The following NAF1 variants were observed in gnomAD, a reference collection of about 807,000 sequenced individuals.
The protein encoded by NAF1 is H/ACA ribonucleoprotein complex non-core subunit NAF1.
NAF1 carries 11 observed loss-of-function variants against 40.6 expected under a neutral mutation model. The ratio of observed to expected loss-of-function variants is 0.27; its 90% CI spans 0.17 to 0.45. The LOEUF is 0.45. Among genes scored for constraint, NAF1 ranks in the 20% least tolerant of loss-of-function variants. NAF1 has a pLI of 1.00. For synonymous variants in NAF1, 260 were observed against 228.5 expected (o/e 1.14, Z -1.24); for missense variants, 607 against 611.1 (o/e 0.99, Z 0.07).
At chr4:163,162,647 G>T (rs1732274275) in intron 2 of NAF1, among the ~76,000 whole-genome samples, 1 of 152,206 alleles carries the variant, frequency 6.6e-6, no homozygotes, top group South Asian at 2.1e-4. Flanking sequence ...TAGACACTAT[G>T]AGAGCAGAAA....
downstream of NAF1, among the ~76,000 whole-genome samples, chr4:163,109,412 A>G (rs1468506661): frequency 2.0e-5 from 3 of 152,168 alleles, no homozygotes; most frequent in South Asian, 2.1e-4. Context: ...AATCTGAAAC[A>G]TTAGCCTACA....
At position 163,117,710 on chromosome 4, in the gene NAF1, C is replaced by CAT. The variant is rs1730388677; in HGVS notation, c.115-7421_115-7420insAT. Among the ~76,000 whole-genome samples, 3 of 151,664 alleles carry CAT rather than the reference C, an allele frequency of 2.0e-5. No homozygotes were observed. In the East Asian group the frequency reaches 5.8e-4, roughly 29 times the overall value. ...ACACACACACACACACACACACACA[C>CAT]ACACACACGCATGAATACATCATCC... On this transcript the variant is annotated intron_variant, in intron 2 of 2. Transcript: ENST00000509434.
intron 5 of NAF1, among the ~76,000 whole-genome samples, chr4:163,139,760 C>G (rs1321442283): frequency 5.3e-5 from 8 of 152,004 alleles, no homozygotes; most frequent in Non-Finnish European, 1.0e-4. Flanking sequence ...CTTCTACAAA[C>G]TTAAAATTTA....
At chr4:163,113,444 T>C (rs991765397) in intron 2 of NAF1, among the ~76,000 whole-genome samples, 3 of 152,120 alleles carry the variant, frequency 2.0e-5, no homozygotes, top group Non-Finnish European at 2.9e-5. Context: ...TTTTCAAAAA[T>C]GCAATTAGAC....
At chr4:163,156,997 A>G (rs1732012251) in intron 2 of NAF1, 1 of 152,138 alleles carries the variant, frequency 6.6e-6, no homozygotes, top group African/African-American at 2.4e-5. Flanking sequence ...TACACATAAC[A>G]AAGAGTAGGA....
chr4:163,107,307 AC>A (rs1016428324), downstream of NAF1, among the ~76,000 whole-genome samples: 10 of 152,178 alleles, frequency 6.6e-5, no homozygotes, highest in Non-Finnish European at 1.5e-4. Flanking sequence ...CTTGCTACTT[AC>A]GTCATTTTGC....
chr4:163,106,438 C>A (rs1730049878), downstream of NAF1, among the ~76,000 whole-genome samples: 1 of 152,174 alleles, frequency 6.6e-6, no homozygotes, highest in African/African-American at 2.4e-5. Flanking sequence ...AAATAGCTAG[C>A]ACTTTCATAT....
chr4:163,138,554 G>C (rs1426503787), intron 5 of NAF1, among the ~76,000 whole-genome samples: 1 of 152,118 alleles, frequency 6.6e-6, no homozygotes, highest in Non-Finnish European at 1.5e-5. Flanking sequence ...AGAACAGTAA[G>C]CTGGAAAGGA....
chr4:163,108,515 A>C (rs574384457), downstream of NAF1, among the ~76,000 whole-genome samples: 1 of 152,236 alleles, frequency 6.6e-6, no homozygotes. Context: ...AGAGAAAGCC[A>C]GTCACAGATT....
chr4:163,107,410 G>A (rs1444538502), downstream of NAF1, among the ~76,000 whole-genome samples: 12 of 152,178 alleles, frequency 7.9e-5, no homozygotes, highest in Admixed American at 7.2e-4. Flanking sequence ...CCTTCAGCCT[G>A]CTCTTTCACT....
chr4:163,129,023 T>C lies in NAF1; in HGVS notation c.1359A>G (p.Thr453=), dbSNP rs1730760879. The C allele has an allele frequency of 6.9e-7, 1 of 1,443,708 alleles. No homozygotes were observed. 89.4% of individuals were successfully genotyped at this position (1,443,708 alleles called of 1,614,324 possible). Residue 453 remains threonine, a synonymous_variant, in exon 8 of 8, where the codon ACA becomes ACG. Transcript: ENST00000274054. ...GTAATGGATGAGCAGCCATGTTTGG[T>C]GTAGCCCAACCCATGTTTACAGGTG... ...PPPPVNMGWA[T]PNMAAHPLLN...
At chr4:163,146,690 C>T (rs893783533) in intron 3 of NAF1, among the ~76,000 whole-genome samples, 13 of 152,284 alleles carry the variant, frequency 8.5e-5, no homozygotes, top group Non-Finnish European at 1.2e-4. Flanking sequence ...CGGTGGCTCA[C>T]GCCTGCAGCA....
At chr4:163,120,194 A>G (rs1000229092) in intron 2 of NAF1, among the ~76,000 whole-genome samples, 1 of 152,200 alleles carries the variant, frequency 6.6e-6, no homozygotes, top group Admixed American at 6.5e-5. Flanking sequence ...AGCACACAAT[A>G]AAACACTTGA....
intron 6 of NAF1, chr4:163,135,439 C>CA (rs1428773397): frequency 6.6e-6 from 1 of 152,162 alleles, no homozygotes; most frequent in Non-Finnish European, 1.5e-5. Flanking sequence ...AAATAACTCG[C>CA]ATTGTTGTAA....
intron 2 of NAF1, among the ~76,000 whole-genome samples, chr4:163,153,009 G>C (rs1478661910): frequency 1.3e-5 from 2 of 152,216 alleles, no homozygotes; most frequent in Non-Finnish European, 2.9e-5. Flanking sequence ...TGAGGAGGGT[G>C]AACTGGGTCC....
chr4:163,108,674 T>C (rs1730087835), downstream of NAF1: 2 of 152,200 alleles, frequency 1.3e-5, no homozygotes, highest in African/African-American at 4.8e-5. Flanking sequence ...ATAAAACTAA[T>C]AGAATATGGG....
chr4:163,127,833 AAATACT>A (rs1440949134), downstream of NAF1, among the ~76,000 whole-genome samples: 2 of 152,166 alleles, frequency 1.3e-5, no homozygotes, highest in African/African-American at 4.8e-5. Flanking sequence ...TGTGCCATAC[AAATACT>A]GTTTCCTAAG....
intron 2 of NAF1, among the ~76,000 whole-genome samples, chr4:163,120,694 G>C (rs1015279234): frequency 9.9e-5 from 15 of 152,078 alleles, no homozygotes; most frequent in South Asian, 6.2e-4. Context: ...AGAATGCACA[G>C]AAGAAAATAT....
In NAF1 at chr4:163,166,443, G is replaced by A. The variant is rs751082099; in HGVS notation, c.285C>T (p.Cys95=). The part of the protein sequence containing the change: ...PPAESPACGD[C]VTSPGAAEPA... Reference sequence around the variant, plus strand: ...GCTCTGCGGCTCCTGGGGAGGTGACGCAGTCTCCGCAGGCCGGCGATTCAG... The same window carrying A: ...GCTCTGCGGCTCCTGGGGAGGTGACACAGTCTCCGCAGGCCGGCGATTCAG... The change falls in exon 1 of 8, where the codon TGC becomes TGT. Residue 95 remains cysteine, a synonymous_variant. Coordinates refer to ENST00000274054, the MANE Select transcript of NAF1 (RefSeq NM_138386.3). 3.7e-6 allele frequency: 6 copies of A among 1,605,736 alleles called. No homozygotes were observed. The Admixed American group carries it at 8.5e-5, about 23-fold the overall frequency.
Sources: allele counts gnomAD v4.1 joint callset (sites outside exome capture counted in the v4.1 genomes callset), GRCh38; gene constraint gnomAD v4.1.1; transcripts MANE v1.5; gene names NCBI Gene and HGNC (gene_info 2026-07-23, HGNC 2026-07-21).